NRP1: variants seen among roughly 807,000 people sequenced by gnomAD.
The protein encoded by NRP1 is neuropilin 1, also known as neuropilin-1.
In NRP1, 35 loss-of-function variants were observed where a neutral mutation model predicts 106.7. That is an observed-to-expected ratio of 0.33 (90% confidence interval 0.25 to 0.43). The LOEUF (loss-of-function observed/expected upper bound fraction) is 0.43. NRP1 is among the 20% of genes least tolerant of loss of function. NRP1 has a pLI of 1.00. For missense variants in NRP1, 1,024 were observed against 1,170.4 expected (o/e 0.87, Z 1.83); for synonymous variants, 437 against 417.9 (o/e 1.05, Z -0.56).
intron 2 of NRP1, among the ~76,000 whole-genome samples, chr10:33,276,696 C>A (rs149073067): frequency 6.6e-6 from 1 of 152,074 alleles, no homozygotes; most frequent in African/African-American, 2.4e-5. Context: ...TGTGTCCTTA[C>A]TTTAGGATTA....
At chr10:33,323,441 TTC>T (rs753446071) in intron 2 of NRP1, among the ~76,000 whole-genome samples, 40 of 152,192 alleles carry the variant, frequency 2.6e-4, no homozygotes, top group African/African-American at 7.2e-4. Flanking sequence ...AGCCAAAATA[TTC>T]TGTTTGTTTT....
chr10:33,302,962 A>G (rs1036544494), intron 2 of NRP1, among the ~76,000 whole-genome samples: 1 of 152,188 alleles, frequency 6.6e-6, no homozygotes, highest in Non-Finnish European at 1.5e-5. Flanking sequence ...TTTAGGGTCA[A>G]CTTTAGAGTC....
chr10:33,248,867 C>T (rs1841622100), intron 6 of NRP1, among the ~76,000 whole-genome samples: 1 of 152,212 alleles, frequency 6.6e-6, no homozygotes, highest in African/African-American at 2.4e-5. Context: ...CAACCATTCT[C>T]TGCTCCTCCA....
At chr10:33,271,205 G>T (rs1843290946) in intron 2 of NRP1, among the ~76,000 whole-genome samples, 1 of 152,070 alleles carries the variant, frequency 6.6e-6, no homozygotes, top group Non-Finnish European at 1.5e-5. Context: ...ATGGTGGTGG[G>T]GTGTCAATAC....
At chr10:33,331,410 T>G (rs1380175537) in intron 1 of NRP1, among the ~76,000 whole-genome samples, 1 of 152,188 alleles carries the variant, frequency 6.6e-6, no homozygotes, top group Admixed American at 6.5e-5. Flanking sequence ...TGCCCATAAA[T>G]CTAAGTGATT....
At chr10:33,302,099 T>A (rs972612854) in intron 2 of NRP1, among the ~76,000 whole-genome samples, 2 of 152,076 alleles carry the variant, frequency 1.3e-5, no homozygotes, top group African/African-American at 4.8e-5. Flanking sequence ...TAAAAAAAAA[T>A]TTCCAATTTC....
At chr10:33,329,301 T>C (rs1848108352) in intron 2 of NRP1, among the ~76,000 whole-genome samples, 1 of 152,220 alleles carries the variant, frequency 6.6e-6, no homozygotes, top group South Asian at 2.1e-4. Flanking sequence ...TGTTGCACTG[T>C]AGTATACACT....
At chr10:33,233,777 G>T (rs751626404) in intron 6 of NRP1, among the ~76,000 whole-genome samples, 2 of 152,132 alleles carry the variant, frequency 1.3e-5, no homozygotes, top group Non-Finnish European at 2.9e-5. Flanking sequence ...GAGACTGTCG[G>T]ATTTTCTTTG....
At position 33,178,055 on chromosome 10, in the gene NRP1, G is replaced by A. The variant is rs1454101187; in HGVS notation, c.*2021C>T. On this transcript the variant is annotated 3_prime_UTR_variant, in exon 17 of 17. Coordinates refer to ENST00000374867, the MANE Select transcript of NRP1 (RefSeq NM_003873.7). ...GTTTCTTAGTGCTTTCCTTCTGGTA[G>A]GATTATATCAACTAAATGAATGTCT... 1.3e-5 allele frequency: 2 copies of A among 152,510 alleles called. No individual in the cohort carries two copies. Among genetic ancestry groups the A allele is most frequent in the Non-Finnish European group, 2.9e-5 (2 of 68,030 alleles). The allele number at this position is 152,510 out of a possible 1,614,324, so 9.4% of individuals were successfully genotyped here. A position where few individuals can be genotyped will look rare whatever the true frequency, so the allele number is the denominator to read the frequency against.
intron 9 of NRP1, among the ~76,000 whole-genome samples, chr10:33,208,116 G>C (rs756387430): frequency 7.9e-5 from 12 of 152,094 alleles, no homozygotes; most frequent in Non-Finnish European, 1.6e-4. Context: ...TGCAGAGTTG[G>C]GGTTTCACCA....
At chr10:33,220,081 C>T (rs554850718) in intron 8 of NRP1, among the ~76,000 whole-genome samples, 3 of 152,202 alleles carry the variant, frequency 2.0e-5, no homozygotes, top group East Asian at 1.9e-4. Flanking sequence ...AATCTTAGGT[C>T]CTAAAATAAT....
intron 3 of NRP1, 36 bp downstream of exon 3, chr10:33,270,637 CTT>C: frequency 6.5e-7 from 1 of 1,546,080 alleles, no homozygotes; most frequent in Non-Finnish European, 8.8e-7. Context: ...TAAATGAACT[CTT>C]AGTCATTCTT....
chr10:33,183,518 C>A (rs1835819596), intron 15 of NRP1, among the ~76,000 whole-genome samples: 1 of 152,068 alleles, frequency 6.6e-6, no homozygotes, highest in South Asian at 2.1e-4. Flanking sequence ...GAATAGTATG[C>A]CAACTCTTTG....
At chr10:33,213,970 A>T (rs1190813710) in intron 8 of NRP1, among the ~76,000 whole-genome samples, 1 of 152,154 alleles carries the variant, frequency 6.6e-6, no homozygotes, top group Non-Finnish European at 1.5e-5. Context: ...CCGCTTTGAC[A>T]TCTTCTAAGT....
chr10:33,291,373 A>C (rs2132630267), intron 2 of NRP1, among the ~76,000 whole-genome samples: 1 of 152,320 alleles, frequency 6.6e-6, no homozygotes, highest in African/African-American at 2.4e-5. Flanking sequence ...ATTGCATTTG[A>C]ATTAAACTAG....
intron 6 of NRP1, among the ~76,000 whole-genome samples, chr10:33,233,012 C>T (rs779601721): frequency 3.3e-5 from 5 of 152,032 alleles, no homozygotes; most frequent in South Asian, 2.1e-4. Flanking sequence ...AAATGTGACC[C>T]AACACAATAC....
intron 1 of NRP1, among the ~76,000 whole-genome samples, chr10:33,333,811 A>G (rs1332002953): frequency 1.3e-5 from 2 of 152,168 alleles, no homozygotes; most frequent in African/African-American, 2.4e-5. Flanking sequence ...CAGACAGATT[A>G]CGGAAGGTGT....
chr10:33,221,791 C>G lies in NRP1; in HGVS notation c.1210G>C (p.Val404Leu), dbSNP rs199724457. Reference protein sequence around the residue: ...VFPKPLITRFVRIKPATWETG... With the variant: ...VFPKPLITRFLRIKPATWETG... ...TCCCAAGTTGCAGGCTTGATTCGGA[C>G]AAATCGAGTTATCAGTGGTTTGGGG... Residue 404 changes from valine (V) to leucine (L), a missense_variant, in exon 8 of 17, where the codon GTC becomes CTC. Val to Leu is a conservative substitution (Grantham distance 32, BLOSUM62 1). This residue lies in a region of NRP1 where 562 missense variants were observed against 620.3 expected (regional missense o/e 0.91). Transcript: ENST00000374867. The G allele has an allele frequency of 1.9e-6, 3 of 1,614,054 alleles. No homozygotes were observed. Among genetic ancestry groups the G allele is most frequent in the Non-Finnish European group, 2.5e-6 (3 of 1,179,990 alleles).
At chr10:33,264,865 T>G (rs1017893403) in intron 3 of NRP1, among the ~76,000 whole-genome samples, 2 of 152,082 alleles carry the variant, frequency 1.3e-5, no homozygotes, top group Non-Finnish European at 1.5e-5. Flanking sequence ...TGCCAGCACT[T>G]TGGGAGGCTG....
Sources: allele counts gnomAD v4.1 joint callset (sites outside exome capture counted in the v4.1 genomes callset), GRCh38; gene constraint gnomAD v4.1.1; regional missense constraint gnomAD v4.1.1; transcripts MANE v1.5; gene names NCBI Gene and HGNC (gene_info 2026-07-23, HGNC 2026-07-21).